Variants in ACSM6 observed in about 807,000 individuals in gnomAD.
The protein encoded by ACSM6 is acyl-coenzyme A synthetase ACSM6, mitochondrial.
A neutral mutation model predicts 51.1 loss-of-function variants in ACSM6; 35 were observed. That is an observed-to-expected ratio of 0.69 (90% CI 0.52 to 0.91). ACSM6 has a LOEUF of 0.91. ACSM6 is among the 40% of genes least tolerant of loss of function. The pLI, the probability that ACSM6 is intolerant of heterozygous loss-of-function variation, is 0.00. For synonymous variants in ACSM6, 172 were observed against 207.3 expected, an observed-to-expected ratio of 0.83 and a Z score of 1.46; for missense variants, 509 against 584.1, an observed-to-expected ratio of 0.87 and a Z score of 1.32.
intron 2 of ACSM6, among the ~76,000 whole-genome samples, chr10:95,197,521 A>C (rs541720239): frequency 1.3e-5 from 2 of 152,286 alleles, no homozygotes; most frequent in East Asian, 3.9e-4. Flanking sequence ...ATGTGCACAT[A>C]AGCCAGATTT....
intron 2 of ACSM6, among the ~76,000 whole-genome samples, chr10:95,198,069 G>C (rs1481610925): frequency 1.3e-5 from 2 of 152,216 alleles, no homozygotes; most frequent in Non-Finnish European, 2.9e-5. Flanking sequence ...GGTCAAAGTA[G>C]CTGGGGCAAA....
intron 10 of ACSM6, 119 bp from the exon 11 acceptor site, chr10:95,228,525 G>C: frequency 9.9e-7 from 1 of 1,009,396 alleles, no homozygotes; most frequent in Non-Finnish European, 1.3e-6. Flanking sequence ...CCTGGAGAGT[G>C]GGGATCCTGA....
chr10:95,195,560 T>A (rs2034716278), intron 2 of ACSM6, among the ~76,000 whole-genome samples: 1 of 152,184 alleles, frequency 6.6e-6, no homozygotes, highest in Non-Finnish European at 1.5e-5. Context: ...TCATTTTAAC[T>A]CTCTGAGCCT....
chr10:95,201,261 C>T (rs949254913), intron 2 of ACSM6, among the ~76,000 whole-genome samples: 3 of 152,154 alleles, frequency 2.0e-5, no homozygotes, highest in Non-Finnish European at 4.4e-5. Flanking sequence ...TTCTAGTGTA[C>T]TCATCACCCA....
At chr10:95,219,629 G>T (rs1404541615) in intron 8 of ACSM6, among the ~76,000 whole-genome samples, 1 of 151,966 alleles carries the variant, frequency 6.6e-6, no homozygotes, top group Non-Finnish European at 1.5e-5. Flanking sequence ...TGAGTTGTTG[G>T]TTCTTTTGAA....
chr10:95,225,196 G>A (rs766083952), intron 9 of ACSM6, 94 bp from the exon 10 acceptor site: 5 of 891,846 alleles, frequency 5.6e-6, no homozygotes, highest in Non-Finnish European at 8.7e-6. Context: ...ATCTTAAATG[G>A]GGGTAGAAAG....
chr10:95,206,906 T>A (rs2034843648), intron 3 of ACSM6, among the ~76,000 whole-genome samples: 1 of 152,128 alleles, frequency 6.6e-6, no homozygotes, highest in Admixed American at 6.5e-5. Context: ...CATCACAGTT[T>A]CAAAATTAGG....
At chr10:95,227,482 C>T (rs1368948400) in intron 10 of ACSM6, among the ~76,000 whole-genome samples, 3 of 152,050 alleles carry the variant, frequency 2.0e-5, no homozygotes, top group East Asian at 1.9e-4. Context: ...CTAGGTAAAA[C>T]GTTTTAAATA....
At chr10:95,218,761 A>G (rs2034967383) in intron 8 of ACSM6, among the ~76,000 whole-genome samples, 1 of 152,222 alleles carries the variant, frequency 6.6e-6, no homozygotes, top group African/African-American at 2.4e-5. Flanking sequence ...ACCATGATTA[A>G]TAGTCCCACC....
At chr10:95,210,727 C>A (rs1263914103) in exon 5 of ACSM6, 1 of 1,614,020 alleles carries the variant, frequency 6.2e-7, no homozygotes, top group South Asian at 1.1e-5. Context: ...AAGGGTACAA[C>A]AGGAGCTCCC....
intron 3 of ACSM6, among the ~76,000 whole-genome samples, chr10:95,204,540 T>C (rs766309401): frequency 5.3e-5 from 8 of 152,098 alleles, no homozygotes; most frequent in Non-Finnish European, 1.0e-4. Flanking sequence ...GGTGCCAGAA[T>C]GAGACTCTGT....
At chr10:95,198,417 G>A (rs773269783) in intron 2 of ACSM6, among the ~76,000 whole-genome samples, 10 of 152,150 alleles carry the variant, frequency 6.6e-5, no homozygotes, top group East Asian at 3.9e-4. Flanking sequence ...TTGGGAGGCC[G>A]AGGCAGGTGA....
intron 9 of ACSM6, 86 bp downstream of exon 9, chr10:95,220,057 C>T: frequency 3.6e-6 from 4 of 1,109,020 alleles, no homozygotes; most frequent in Non-Finnish European, 5.3e-6. Flanking sequence ...TAAAGGTAGG[C>T]AATGAGGAAA....
chr10:95,227,443 T>C (rs1025773931), intron 10 of ACSM6, among the ~76,000 whole-genome samples: 1 of 152,252 alleles, frequency 6.6e-6, no homozygotes, highest in Non-Finnish European at 1.5e-5. Context: ...CCTCTTTGAG[T>C]ATCTCTCGTG....
At chr10:95,196,250 A>G (rs1447825206) in intron 2 of ACSM6, among the ~76,000 whole-genome samples, 1 of 152,230 alleles carries the variant, frequency 6.6e-6, no homozygotes, top group Non-Finnish European at 1.5e-5. Context: ...CCTACCCAGC[A>G]GAAGCTTCCA....
intron 3 of ACSM6, among the ~76,000 whole-genome samples, chr10:95,202,903 C>A (rs1314152939): frequency 6.9e-6 from 1 of 144,344 alleles, no homozygotes; most frequent in Admixed American, 7.1e-5. Flanking sequence ...TGTGCCACTG[C>A]ACTCCAGCCT....
chr10:95,208,394 G>C (rs2034863605), intron 4 of ACSM6, among the ~76,000 whole-genome samples: 1 of 152,134 alleles, frequency 6.6e-6, no homozygotes, highest in South Asian at 2.1e-4. Context: ...TTTGGTGATG[G>C]TTACACTGAA....
At chr10:95,198,922 A>C (rs1451488050) in intron 2 of ACSM6, among the ~76,000 whole-genome samples, 1 of 152,190 alleles carries the variant, frequency 6.6e-6, no homozygotes. Context: ...AAATGGCCAT[A>C]CTGCCCAAGG....
chr10:95,214,917 A>G, exon 8 of ACSM6: 1 of 1,551,632 alleles, frequency 6.4e-7, no homozygotes, highest in South Asian at 1.2e-5. Flanking sequence ...GGGGTGATTG[A>G]GGACTGGAAA....
Sources: gnomAD v4.1 joint callset for allele counts (sites outside exome capture counted in the v4.1 genomes callset) on GRCh38, gnomAD v4.1.1 for gene constraint, MANE v1.5 for transcripts, NCBI Gene and HGNC (gene_info 2026-07-23, HGNC 2026-07-21) for gene names.